The following HMGCLL1 variants were observed in gnomAD, a reference collection of about 807,000 sequenced individuals.
HMGCLL1 encodes the protein 3-hydroxy-3-methylglutaryl-CoA lyase like 1.
Under a neutral mutation model 39.1 loss-of-function variants are expected in HMGCLL1, and 36 were observed. That is an observed-to-expected ratio of 0.92 (90% confidence interval 0.71 to 1.22). The LOEUF (loss-of-function observed/expected upper bound fraction) is 1.22. Ranked by LOEUF, HMGCLL1 falls within the 50% of genes most tolerant of loss-of-function variation. HMGCLL1 has a pLI of 0.00. For synonymous variants in HMGCLL1, 149 were observed against 144.0 expected (o/e 1.03, Z -0.25); for missense variants, 451 against 416.5 (o/e 1.08, Z -0.72).
At chr6:55,515,023 G>C (rs1767662761) in intron 4 of HMGCLL1, among the ~76,000 whole-genome samples, 1 of 152,026 alleles carries the variant, frequency 6.6e-6, no homozygotes, top group Non-Finnish European at 1.5e-5. Flanking sequence ...GGGAACTCAA[G>C]GTAGGCAGAT....
chr6:55,496,369 C>G (rs2127424415), intron 6 of HMGCLL1, among the ~76,000 whole-genome samples: 1 of 152,164 alleles, frequency 6.6e-6, no homozygotes, highest in South Asian at 2.1e-4. Context: ...CATTCTCATT[C>G]AAGAGAAATG....
At chr6:55,578,612 C>A (rs1173361002) in intron 1 of HMGCLL1, among the ~76,000 whole-genome samples, 1 of 152,172 alleles carries the variant, frequency 6.6e-6, no homozygotes, top group Non-Finnish European at 1.5e-5. Context: ...GGGCGGTATC[C>A]TTGAAGGAAT....
At chr6:55,650,447 T>C in the HMGCLL1 span, among the ~76,000 whole-genome samples, 178 of 151,870 alleles carry the variant, frequency 1.2e-3, no homozygotes, top group Middle Eastern at 0.017. Flanking sequence ...TTCTTTTCCC[T>C]TACTTCCTCC....
chr6:55,567,371 T>C (rs1429994767), intron 1 of HMGCLL1, among the ~76,000 whole-genome samples: 2 of 152,046 alleles, frequency 1.3e-5, no homozygotes, highest in South Asian at 2.1e-4. Flanking sequence ...ATATAGATAA[T>C]AGTTATAGTT....
At chr6:55,655,727 A>G in the HMGCLL1 span, among the ~76,000 whole-genome samples, 1 of 151,948 alleles carries the variant, frequency 6.6e-6, no homozygotes, top group Non-Finnish European at 1.5e-5. Context: ...ACTTCTTTAT[A>G]CTATGGTCTT....
At chr6:55,541,673 A>ATAT (rs1769442292) in intron 3 of HMGCLL1, 56 bp downstream of exon 3, 1 of 852,050 alleles carries the variant, frequency 1.2e-6, no homozygotes, top group Non-Finnish European at 1.9e-6. Context: ...TATTTACCAA[A>ATAT]TATTTTTTGG....
At chr6:55,495,198 T>C (rs983450331) in intron 7 of HMGCLL1, among the ~76,000 whole-genome samples, 5 of 152,178 alleles carry the variant, frequency 3.3e-5, no homozygotes, top group African/African-American at 1.2e-4. Context: ...AGATTACAGA[T>C]TTTATCAAAT....
chr6:55,467,592 C>A (rs948504351), intron 7 of HMGCLL1, among the ~76,000 whole-genome samples: 15 of 152,054 alleles, frequency 9.9e-5, no homozygotes, highest in African/African-American at 3.6e-4. Flanking sequence ...GTATGTTCTT[C>A]ATTTTATATC....
chr6:55,628,198 A>AATATATATATATATC, the HMGCLL1 span, among the ~76,000 whole-genome samples: 13 of 75,286 alleles, frequency 1.7e-4, no homozygotes, highest in African/African-American at 6.4e-4. Flanking sequence ...ATATATATAT[A>AATATATATATATATC]GTATATCCTA....
chr6:55,631,786 A>G, the HMGCLL1 span, among the ~76,000 whole-genome samples: 1 of 152,106 alleles, frequency 6.6e-6, no homozygotes, highest in Non-Finnish European at 1.5e-5. Flanking sequence ...CAAATTAATG[A>G]ACACATTTTA....
chr6:55,644,485 T>A, the HMGCLL1 span, among the ~76,000 whole-genome samples: 2 of 152,048 alleles, frequency 1.3e-5, no homozygotes, highest in African/African-American at 4.8e-5. Context: ...ACTAACGTCC[T>A]GGGGAAATTC....
chr6:55,480,148 T>C (rs1168456037), intron 7 of HMGCLL1, among the ~76,000 whole-genome samples: 1 of 151,540 alleles, frequency 6.6e-6, no homozygotes, highest in Non-Finnish European at 1.5e-5. Context: ...AGGGATTTCA[T>C]CTGCTTAAAA....
chr6:55,659,282 G>C, the HMGCLL1 span, among the ~76,000 whole-genome samples: 1 of 151,812 alleles, frequency 6.6e-6, no homozygotes, highest in African/African-American at 2.4e-5. Context: ...AATAATTTTT[G>C]TTGGATGAAT....
At chr6:55,646,757 T>C in the HMGCLL1 span, among the ~76,000 whole-genome samples, 7 of 152,050 alleles carry the variant, frequency 4.6e-5, no homozygotes, top group African/African-American at 1.4e-4. Flanking sequence ...TTGGAGAAGA[T>C]ACTTGATATT....
At chr6:55,477,496 A>G (rs1581832076) in intron 7 of HMGCLL1, among the ~76,000 whole-genome samples, 1 of 74,018 alleles carries the variant, frequency 1.4e-5, no homozygotes, top group African/African-American at 4.9e-5. Context: ...ACATATACAT[A>G]TTACATATAT....
chr6:55,587,536 C>A, the HMGCLL1 span, among the ~76,000 whole-genome samples: 1 of 152,112 alleles, frequency 6.6e-6, no homozygotes, highest in East Asian at 1.9e-4. Flanking sequence ...ATGACAAGAT[C>A]AAATTCACAC....
At chr6:55,587,667 T>G in the HMGCLL1 span, among the ~76,000 whole-genome samples, 1 of 152,008 alleles carries the variant, frequency 6.6e-6, no homozygotes, top group Admixed American at 6.6e-5. Context: ...CCATCTCACG[T>G]GCAGAGACAC....
chr6:55,460,965 T>G (rs1182780961), intron 7 of HMGCLL1, among the ~76,000 whole-genome samples: 1 of 151,998 alleles, frequency 6.6e-6, no homozygotes, highest in African/African-American at 2.4e-5. Context: ...ATATAAAATA[T>G]AAGACACAAT....
At chr6:55,588,637 A>C in the HMGCLL1 span, among the ~76,000 whole-genome samples, 3 of 152,138 alleles carry the variant, frequency 2.0e-5, no homozygotes, top group African/African-American at 7.2e-5. Context: ...TGAAAAGATC[A>C]ACAAAATTGA....
Sources: gnomAD v4.1 joint callset for allele counts (sites outside exome capture counted in the v4.1 genomes callset) on GRCh38, gnomAD v4.1.1 for gene constraint, MANE v1.5 for transcripts, NCBI Gene and HGNC (gene_info 2026-07-23, HGNC 2026-07-21) for gene names.